USP12: variants seen among roughly 807,000 people sequenced by gnomAD.
USP12 encodes ubiquitin carboxyl-terminal hydrolase 12.
USP12 carries 19 observed loss-of-function variants against 45.5 expected under a neutral mutation model. The ratio of observed to expected loss-of-function variants is 0.42; its 90% CI spans 0.29 to 0.61. USP12 has a LOEUF of 0.61. USP12 is among the 20% of genes least tolerant of loss of function. The probability of loss-of-function intolerance (pLI) is 0.22; values close to 1 mark genes in which losing one functional copy is unlikely to be tolerated. For synonymous variants in USP12, 149 were observed against 148.8 expected (o/e 1.00, Z -0.01); for missense variants, 242 against 447.7 (o/e 0.54, Z 4.15).
At chr13:27,128,220 G>T (rs1012415870) in intron 1 of USP12, among the ~76,000 whole-genome samples, 4 of 152,182 alleles carry the variant, frequency 2.6e-5, no homozygotes, top group Non-Finnish European at 5.9e-5. Context: ...TGTTCACAAT[G>T]AGACAATGAG....
intron 1 of USP12, among the ~76,000 whole-genome samples, chr13:27,162,154 T>C (rs754019273): frequency 6.6e-6 from 1 of 152,204 alleles, no homozygotes; most frequent in Non-Finnish European, 1.5e-5. Context: ...GATGTTGATA[T>C]GTATTTATAG....
rs193162452 is a variant in USP12 at position 27,146,265 on chromosome 13, G to T, written c.48+25327C>A. On this transcript the variant is annotated intron_variant, in intron 1 of 8. Coordinates refer to ENST00000282344, the MANE Select transcript of USP12 (RefSeq NM_182488.4). ...AAAAATACAAAAATTAGCCAGGTGT[G>T]GTGGTGGGCATCTATAGTCCCAGCT... 7.2e-5 allele frequency among the ~76,000 whole-genome samples: 11 copies of T among 152,220 alleles called. No individual in the cohort carries two copies. The East Asian group carries it at 2.1e-3, about 29-fold the overall frequency.
intron 4 of USP12, 135 bp from the exon 5 acceptor site, chr13:27,090,293 C>T (rs1011963488): frequency 6.1e-6 from 4 of 656,728 alleles, no homozygotes; most frequent in African/African-American, 3.6e-5. Flanking sequence ...AAGAGAACTA[C>T]TTAATTTGGA....
chr13:27,123,563 G>A (rs1876095328), intron 1 of USP12, among the ~76,000 whole-genome samples: 1 of 152,132 alleles, frequency 6.6e-6, no homozygotes, highest in Non-Finnish European at 1.5e-5. Context: ...CACGTGTCGT[G>A]GCAGAGACCC....
intron 2 of USP12, among the ~76,000 whole-genome samples, chr13:27,113,873 G>A (rs1442084778): frequency 6.6e-6 from 1 of 152,142 alleles, no homozygotes; most frequent in African/African-American, 2.4e-5. Flanking sequence ...AGAGAACCAA[G>A]AGACATTTGC....
At chr13:27,150,170 T>C (rs982659749) in intron 1 of USP12, among the ~76,000 whole-genome samples, 1 of 152,242 alleles carries the variant, frequency 6.6e-6, no homozygotes, top group African/African-American at 2.4e-5. Context: ...TCATTACACA[T>C]TGTATACCTG....
chr13:27,144,312 A>G (rs1449130587), intron 1 of USP12, among the ~76,000 whole-genome samples: 1 of 152,130 alleles, frequency 6.6e-6, no homozygotes, highest in Non-Finnish European at 1.5e-5. Context: ...TGGGCAACAC[A>G]GTGAGACCCC....
chr13:27,167,320 C>A (rs983157139), intron 1 of USP12, among the ~76,000 whole-genome samples: 1 of 151,956 alleles, frequency 6.6e-6, no homozygotes, highest in Non-Finnish European at 1.5e-5. Context: ...AAAAATTGAC[C>A]TTCCTTTTGC....
chr13:27,121,413 T>C (rs1875979253), intron 1 of USP12, among the ~76,000 whole-genome samples: 2 of 151,950 alleles, frequency 1.3e-5, no homozygotes, highest in African/African-American at 4.8e-5. Flanking sequence ...AAATTCGCTC[T>C]GGAATGAGAC....
intron 3 of USP12, among the ~76,000 whole-genome samples, chr13:27,096,635 C>T (rs575945309): frequency 1.6e-4 from 24 of 152,214 alleles, no homozygotes; most frequent in African/African-American, 2.4e-4. Context: ...GAAAATGGGA[C>T]GAGACAGAGT....
chr13:27,117,003 A>G (rs1875776855), intron 1 of USP12, among the ~76,000 whole-genome samples: 1 of 152,152 alleles, frequency 6.6e-6, no homozygotes, highest in Non-Finnish European at 1.5e-5. Context: ...ACATGATCGT[A>G]TTTTCATAAT....
chr13:27,119,258 T>C (rs74041202), intron 1 of USP12, among the ~76,000 whole-genome samples: 2,500 of 152,146 alleles, frequency 0.016, 81 homozygotes, highest in African/African-American at 0.057. Flanking sequence ...TACAAAAAAA[T>C]AGATACTCTC....
chr13:27,099,467 CA>C (rs1874760171), intron 3 of USP12, among the ~76,000 whole-genome samples: 2 of 152,056 alleles, frequency 1.3e-5, no homozygotes, highest in African/African-American at 4.8e-5. Context: ...AATTACTTCC[CA>C]AACCCTTTCA....
intron 1 of USP12, among the ~76,000 whole-genome samples, chr13:27,123,077 G>A (rs1253980685): frequency 7.4e-6 from 1 of 134,844 alleles, no homozygotes; most frequent in Non-Finnish European, 1.6e-5. Context: ...GGATGACAGA[G>A]TGAGAGTCCA....
At chr13:27,074,152 G>A (rs1873368103) in intron 7 of USP12, among the ~76,000 whole-genome samples, 2 of 152,234 alleles carry the variant, frequency 1.3e-5, no homozygotes, top group African/African-American at 4.8e-5. Flanking sequence ...TGTAATCCCA[G>A]CACTTTGGGA....
chr13:27,082,511 CACTAGAGTAGCT>C (rs1329950100), intron 6 of USP12, among the ~76,000 whole-genome samples: 1 of 152,312 alleles, frequency 6.6e-6, no homozygotes, highest in Non-Finnish European at 1.5e-5. Flanking sequence ...TTTGTGGGTT[CACTAGAGTAGCT>C]CTTTTAATTC....
intron 7 of USP12, among the ~76,000 whole-genome samples, chr13:27,073,284 C>T (rs1041178635): frequency 1.3e-5 from 2 of 152,164 alleles, no homozygotes; most frequent in Non-Finnish European, 2.9e-5. Context: ...GAAGGCAGAC[C>T]ACCAGGGCTG....
At chr13:27,084,801 T>C (rs942175371) in intron 6 of USP12, among the ~76,000 whole-genome samples, 23 of 152,234 alleles carry the variant, frequency 1.5e-4, no homozygotes, top group African/African-American at 5.3e-4. Flanking sequence ...CTTTGTAATA[T>C]ACTTTGAAAT....
intron 1 of USP12, among the ~76,000 whole-genome samples, chr13:27,136,706 C>T (rs561875523): frequency 3.7e-4 from 56 of 152,212 alleles, no homozygotes; most frequent in African/African-American, 1.3e-3. Flanking sequence ...CACAAGGCAC[C>T]ACTAGGCTAA....
Sources: gnomAD v4.1 joint callset for allele counts (sites outside exome capture counted in the v4.1 genomes callset) on GRCh38, gnomAD v4.1.1 for gene constraint, MANE v1.5 for transcripts, NCBI Gene and HGNC (gene_info 2026-07-23, HGNC 2026-07-21) for gene names.